Variants in PDE4D observed in about 807,000 individuals in gnomAD.
The protein encoded by PDE4D is 3',5'-cyclic-AMP phosphodiesterase 4D.
A neutral mutation model predicts 87.4 loss-of-function variants in PDE4D; 24 were observed. That is an observed-to-expected ratio of 0.27 (90% confidence interval 0.20 to 0.39). The LOEUF is 0.39. Among genes scored for constraint, PDE4D ranks in the 10% least tolerant of loss-of-function variants. PDE4D has a pLI of 1.00. For missense variants in PDE4D, 714 were observed against 1,041.0 expected, an observed-to-expected ratio of 0.69 and a Z score of 4.32; for synonymous variants, 384 against 383.2, an observed-to-expected ratio of 1.00 and a Z score of -0.02.
At chr5:59,181,307 A>G (rs1303955127) in intron 4 of PDE4D, among the ~76,000 whole-genome samples, 2 of 150,756 alleles carry the variant, frequency 1.3e-5, no homozygotes, top group African/African-American at 4.9e-5. Flanking sequence ...ATGACTATAA[A>G]CCCCTTGAAG....
At chr5:59,930,832 T>G (rs1234120127) in intron 3 of PDE4D, among the ~76,000 whole-genome samples, 3 of 152,216 alleles carry the variant, frequency 2.0e-5, no homozygotes, top group African/African-American at 7.2e-5. Flanking sequence ...TACGCAGAGG[T>G]ATGACTATTG....
chr5:59,399,349 A>AT (rs1790128012), intron 1 of PDE4D, among the ~76,000 whole-genome samples: 1 of 136,922 alleles, frequency 7.3e-6, no homozygotes, highest in African/African-American at 2.6e-5. Flanking sequence ...AGGCTACAGT[A>AT]ACCAAAACAG....
intron 1 of PDE4D, among the ~76,000 whole-genome samples, chr5:60,251,353 C>T (rs1023449885): frequency 6.6e-6 from 1 of 151,896 alleles, no homozygotes; most frequent in Non-Finnish European, 1.5e-5. Context: ...ATCCTCTCCC[C>T]CTTCCCACTG....
chr5:60,427,330 A>T (rs1170775890), intron 1 of PDE4D, among the ~76,000 whole-genome samples: 1 of 152,236 alleles, frequency 6.6e-6, no homozygotes, highest in East Asian at 1.9e-4. Flanking sequence ...CATTACGTAC[A>T]GTTGAACAAG....
chr5:60,330,693 A>T (rs1041535738), intron 1 of PDE4D, among the ~76,000 whole-genome samples: 17 of 152,372 alleles, frequency 1.1e-4, no homozygotes, highest in African/African-American at 4.1e-4. Flanking sequence ...AGTTTGTGCC[A>T]TTTTTAAGTA....
intron 11 of PDE4D, among the ~76,000 whole-genome samples, chr5:58,986,820 A>G (rs1259207932): frequency 6.6e-6 from 1 of 152,182 alleles, no homozygotes; most frequent in Non-Finnish European, 1.5e-5. Context: ...AATGTATCAG[A>G]GTACTTGGAA....
intron 2 of PDE4D, among the ~76,000 whole-genome samples, chr5:60,061,743 T>C (rs1771432959): frequency 6.6e-6 from 1 of 152,044 alleles, no homozygotes; most frequent in East Asian, 1.9e-4. Context: ...CATATACCAA[T>C]GGAACAGAAT....
intron 1 of PDE4D, among the ~76,000 whole-genome samples, chr5:60,340,278 T>TG (rs1758191491): frequency 8.0e-6 from 1 of 125,316 alleles, no homozygotes; most frequent in South Asian, 3.0e-4. Flanking sequence ...TACAGCATCC[T>TG]ATTTTTTTTT....
chr5:59,493,750 G>A (rs1806643424), intron 1 of PDE4D, among the ~76,000 whole-genome samples: 1 of 152,146 alleles, frequency 6.6e-6, no homozygotes, highest in Non-Finnish European at 1.5e-5. Flanking sequence ...GAGAGATGTG[G>A]CAGGATATTT....
chr5:59,800,300 C>T (rs747224761), intron 1 of PDE4D, among the ~76,000 whole-genome samples: 4 of 151,668 alleles, frequency 2.6e-5, no homozygotes, highest in African/African-American at 4.9e-5. Flanking sequence ...TACAAAAGCT[C>T]GCAAAGTGCA....
At chr5:59,656,116 A>G (rs569070226) in intron 1 of PDE4D, among the ~76,000 whole-genome samples, 1 of 152,180 alleles carries the variant, frequency 6.6e-6, no homozygotes, top group Non-Finnish European at 1.5e-5. Context: ...ACAGATGTAC[A>G]TTCCTCATAC....
In PDE4D at chr5:59,400,776, A is replaced by C. The variant is rs1012918941; in HGVS notation, c.456-184808T>G. Among the ~76,000 whole-genome samples, 6 of 152,298 alleles carry C rather than the reference A, an allele frequency of 3.9e-5. No individual in the cohort carries two copies. In the East Asian group the frequency reaches 7.7e-4, roughly 20 times the overall value. ...AATAAATCTTTACAACATTCCTATG[A>C]GTTTAGCATTTACCAACTGCATTTT... On this transcript the variant is annotated intron_variant, in intron 1 of 14. Coordinates refer to ENST00000340635, the MANE Select transcript of PDE4D (RefSeq NM_001104631.2).
At chr5:60,219,899 T>C (rs1744294173) in intron 1 of PDE4D, among the ~76,000 whole-genome samples, 2 of 152,190 alleles carry the variant, frequency 1.3e-5, no homozygotes, top group Admixed American at 6.5e-5. Flanking sequence ...CTTTCTTTCA[T>C]AGAAACATTT....
chr5:59,260,377 T>C (rs1370171110), intron 1 of PDE4D, among the ~76,000 whole-genome samples: 2 of 151,828 alleles, frequency 1.3e-5, no homozygotes, highest in African/African-American at 2.4e-5. Flanking sequence ...CCTAAAGCAA[T>C]TGGCACCAAG....
intron 1 of PDE4D, among the ~76,000 whole-genome samples, chr5:59,744,141 T>C (rs1306601347): frequency 6.6e-6 from 1 of 152,186 alleles, no homozygotes; most frequent in Non-Finnish European, 1.5e-5. Flanking sequence ...TACCATCTGA[T>C]TGACCTGTCA....
rs201335385 is a variant in PDE4D, at chr5:59,215,941, C to T, written c.483G>A (p.Ala161=). Residue 161 remains alanine (A), a synonymous_variant, in exon 2 of 15, where the codon GCG becomes GCA. Transcript: ENST00000340635. ...TCATGGGATCCAAGGGACTCCGTCC[C>T]GCAGATGTGCCATTGTCCACATCAA... is the stretch of plus-strand genomic sequence containing the variant. The part of the protein sequence containing the change: ...RRFDVDNGTS[A]GRSPLDPMTS... 23 of 1,612,608 alleles carry T rather than the reference C, an allele frequency of 1.4e-5. No individual in the cohort carries two copies. The highest frequency in any genetic ancestry group is 1.2e-4 in the African/African-American group (9 of 74,958).
intron 5 of PDE4D, among the ~76,000 whole-genome samples, chr5:59,098,125 T>G (rs1770071458): frequency 6.6e-6 from 1 of 152,238 alleles, no homozygotes. Context: ...TCCCAATTTT[T>G]GTACTAAACA....
At chr5:60,137,013 A>G (rs1264254682) in intron 2 of PDE4D, among the ~76,000 whole-genome samples, 1 of 151,950 alleles carries the variant, frequency 6.6e-6, no homozygotes, top group Non-Finnish European at 1.5e-5. Flanking sequence ...CCCACTCCCA[A>G]TGTGTCCATG....
intron 2 of PDE4D, among the ~76,000 whole-genome samples, chr5:60,059,873 C>T (rs2152886712): frequency 6.6e-6 from 1 of 152,124 alleles, no homozygotes; most frequent in Admixed American, 6.6e-5. Context: ...CTTCCATCAT[C>T]TGGCATGTTC....
Sources: gnomAD v4.1 joint callset for allele counts (sites outside exome capture counted in the v4.1 genomes callset) on GRCh38, gnomAD v4.1.1 for gene constraint, MANE v1.5 for transcripts, NCBI Gene and HGNC (gene_info 2026-07-23, HGNC 2026-07-21) for gene names.